The following BMPR1A variants were observed in gnomAD, a reference collection of about 807,000 sequenced individuals.
The protein encoded by BMPR1A is bone morphogenetic protein receptor type-1A.
A neutral mutation model predicts 66.0 loss-of-function variants in BMPR1A; 7 were observed. That is an observed-to-expected ratio of 0.11 (90% CI 0.06 to 0.20). The LOEUF (loss-of-function observed/expected upper bound fraction) is 0.20. BMPR1A is among the 10% of genes least tolerant of loss of function. BMPR1A has a pLI of 1.00. For synonymous variants in BMPR1A, 200 were observed against 229.7 expected, an observed-to-expected ratio of 0.87 and a Z score of 1.17; for missense variants, 408 against 669.1, an observed-to-expected ratio of 0.61 and a Z score of 4.31.
At chr10:86,907,828 A>G (rs777566643) in intron 7 of BMPR1A, among the ~76,000 whole-genome samples, 16 of 152,206 alleles carry the variant, frequency 1.1e-4, no homozygotes, top group Non-Finnish European at 1.6e-4. Context: ...GGGAGGTTGG[A>G]TGAAGATGGA....
At chr10:86,764,530 G>A (rs1234919237) in intron 1 of BMPR1A, among the ~76,000 whole-genome samples, 9 of 152,182 alleles carry the variant, frequency 5.9e-5, no homozygotes, top group Admixed American at 3.9e-4. Flanking sequence ...TCTTTCTGAA[G>A]TACTGCTTTG....
At chr10:86,852,928 A>T (rs1350276698) in intron 2 of BMPR1A, among the ~76,000 whole-genome samples, 1 of 152,212 alleles carries the variant, frequency 6.6e-6, no homozygotes, top group Non-Finnish European at 1.5e-5. Context: ...GCTTGAAATG[A>T]TGAATTTTTT....
At chr10:86,769,421 G>A (rs1393281321) in intron 1 of BMPR1A, among the ~76,000 whole-genome samples, 19 of 152,310 alleles carry the variant, frequency 1.2e-4, no homozygotes, top group Non-Finnish European at 2.9e-5. Context: ...GCGAGACCCT[G>A]TCTCTAAAAA....
intron 2 of BMPR1A, among the ~76,000 whole-genome samples, chr10:86,861,217 G>A (rs962569470): frequency 2.0e-5 from 3 of 152,164 alleles, no homozygotes; most frequent in Non-Finnish European, 4.4e-5. Flanking sequence ...AGAAAATAAA[G>A]TACAGATATT....
intron 1 of BMPR1A, among the ~76,000 whole-genome samples, chr10:86,794,300 A>G (rs1197430496): frequency 2.6e-5 from 4 of 152,068 alleles, no homozygotes; most frequent in Admixed American, 2.6e-4. Context: ...CCTGGCCTGA[A>G]TCTTGTTCTG....
rs1014935385 is a variant in BMPR1A at position 86,915,237 on chromosome 10, G to C, written c.676-1897G>C. Among the ~76,000 whole-genome samples, 29 of 152,054 alleles carry C rather than the reference G, an allele frequency of 1.9e-4. No individual in the cohort carries two copies. In the East Asian group the frequency reaches 3.1e-3, roughly 16 times the overall value. On this transcript the variant is annotated intron_variant, in intron 8 of 12. Transcript: ENST00000372037. Reference sequence around the variant, plus strand: ...GTAGAGACAGGGTTTCACCATGTTGGCCAGGCTGGTCTTGAACTCCTGACC... The same window carrying C: ...GTAGAGACAGGGTTTCACCATGTTGCCCAGGCTGGTCTTGAACTCCTGACC...
Position 86,768,492 on chromosome 10 carries a change from T to C in BMPR1A, c.-268+11573T>C, listed in dbSNP as rs73346168. ...AAAATTATGCACTCTTCCCTGTTTT[T>C]TCTTAGCATTTTATCAATTTGCATA... On this transcript the variant is annotated intron_variant, in intron 1 of 12. Coordinates refer to ENST00000372037, the MANE Select transcript of BMPR1A (RefSeq NM_004329.3). 0.012 allele frequency among the ~76,000 whole-genome samples: 1,781 copies of C among 152,350 alleles called. 36 individuals are homozygous for C. Among genetic ancestry groups the C allele is most frequent in the African/African-American group, 0.04 (1,682 of 41,574 alleles).
At chr10:86,869,563 C>T (rs1201972405) in intron 2 of BMPR1A, among the ~76,000 whole-genome samples, 2 of 151,724 alleles carry the variant, frequency 1.3e-5, no homozygotes, top group Non-Finnish European at 2.9e-5. Context: ...TCGAGACCAG[C>T]CTGACCAACA....
chr10:86,797,662 C>T (rs1385719367), intron 1 of BMPR1A, among the ~76,000 whole-genome samples: 2 of 152,106 alleles, frequency 1.3e-5, no homozygotes, highest in African/African-American at 2.4e-5. Flanking sequence ...CCACCGTGCC[C>T]GGCCAGAATT....
chr10:86,799,486 C>CTTCCTTCT (rs1841776731), intron 1 of BMPR1A, among the ~76,000 whole-genome samples: 1 of 115,942 alleles, frequency 8.6e-6, no homozygotes, highest in African/African-American at 3.7e-5. Context: ...TCCTTCCTTC[C>CTTCCTTCT]TTCCTTCCTT....
At chr10:86,881,254 C>T (rs916505663) in intron 3 of BMPR1A, among the ~76,000 whole-genome samples, 6 of 151,932 alleles carry the variant, frequency 3.9e-5, no homozygotes, top group African/African-American at 1.5e-4. Context: ...AAAAAGAAAA[C>T]AAAACTAGTT....
At chr10:86,765,701 C>G (rs1841151204) in intron 1 of BMPR1A, among the ~76,000 whole-genome samples, 2 of 152,076 alleles carry the variant, frequency 1.3e-5, no homozygotes, top group Non-Finnish European at 2.9e-5. Context: ...TACCATAGAA[C>G]TGTGTGTTTT....
intron 3 of BMPR1A, among the ~76,000 whole-genome samples, chr10:86,879,117 T>TGA (rs766252426): frequency 5.3e-5 from 8 of 152,176 alleles, no homozygotes; most frequent in Non-Finnish European, 1.0e-4. Context: ...ATGTGGCTCA[T>TGA]CAAGACCCAA....
chr10:86,840,913 T>C (rs1250163473), intron 2 of BMPR1A, among the ~76,000 whole-genome samples: 1 of 152,242 alleles, frequency 6.6e-6, no homozygotes, highest in Non-Finnish European at 1.5e-5. Context: ...TTTAGGTCTT[T>C]ATGTTACATC....
intron 1 of BMPR1A, among the ~76,000 whole-genome samples, chr10:86,823,809 T>C (rs973806526): frequency 7.2e-5 from 11 of 152,184 alleles, no homozygotes; most frequent in Non-Finnish European, 1.5e-5. Context: ...GAACTTGCAC[T>C]ACTCCCTCCT....
At chr10:86,787,333 A>G (rs1479475785) in intron 1 of BMPR1A, among the ~76,000 whole-genome samples, 1 of 152,262 alleles carries the variant, frequency 6.6e-6, no homozygotes, top group Non-Finnish European at 1.5e-5. Flanking sequence ...TACATAGTAA[A>G]AAGCAATAAA....
intron 1 of BMPR1A, among the ~76,000 whole-genome samples, chr10:86,799,515 CTTTT>C (rs61332181): frequency 0.012 from 1,314 of 113,122 alleles, 41 homozygotes; most frequent in East Asian, 0.058. Context: ...CCTTTCTTTT[CTTTT>C]CTTTTCTTTT....
chr10:86,908,877 G>A (rs563411103), intron 7 of BMPR1A, among the ~76,000 whole-genome samples: 6 of 152,282 alleles, frequency 3.9e-5, no homozygotes, highest in African/African-American at 1.4e-4. Context: ...AGAGAGGAAG[G>A]TGTCATCTTC....
chr10:86,760,549 T>G (rs1421865884), intron 1 of BMPR1A, among the ~76,000 whole-genome samples: 1 of 152,092 alleles, frequency 6.6e-6, no homozygotes, highest in Non-Finnish European at 1.5e-5. Flanking sequence ...ATAGCAGTTT[T>G]TATACAAATA....
Sources: gnomAD v4.1 joint callset for allele counts (sites outside exome capture counted in the v4.1 genomes callset) on GRCh38, gnomAD v4.1.1 for gene constraint, MANE v1.5 for transcripts, NCBI Gene and HGNC (gene_info 2026-07-23, HGNC 2026-07-21) for gene names.